Variants in PCDHGB6 observed in about 807,000 individuals in gnomAD.
PCDHGB6 encodes protocadherin gamma-B6.
Under a neutral mutation model 59.1 loss-of-function variants are expected in PCDHGB6, and 51 were observed. The ratio of observed to expected loss-of-function variants is 0.86; its 90% CI spans 0.69 to 1.09. The LOEUF is 1.09. PCDHGB6 is among the 50% of genes least tolerant of loss of function. PCDHGB6 has a pLI of 0.00. For synonymous variants in PCDHGB6, 466 were observed against 495.1 expected (o/e 0.94, Z 0.78); for missense variants, 1,148 against 1,205.1 (o/e 0.95, Z 0.70).
chr5:141,422,800 C>T, intron 1 of PCDHGB6: 1 of 1,614,214 alleles, frequency 6.2e-7, no homozygotes, highest in Non-Finnish European at 8.5e-7. Context: ...CGACTATGAG[C>T]AGTTTCGAGA....
At position 141,446,758 on chromosome 5, in the gene PCDHGB6, C is replaced by T. The variant is rs776925316; in HGVS notation, c.2418+36138C>T. Among the ~76,000 whole-genome samples, 10 of 152,208 alleles carry T rather than the reference C, an allele frequency of 6.6e-5. 1 individual carries two copies. Among genetic ancestry groups the T allele is most frequent in the African/African-American group, 9.7e-5 (4 of 41,448 alleles). On this transcript the variant is annotated intron_variant, in intron 1 of 3. Transcript: ENST00000520790. ...TGGGGATTACAGGCGTGAGCCACCG[C>T]GCCCAGCCGGTTACCATTCTTTTAC...
Position 141,493,775 on chromosome 5 carries a change from G to A in PCDHGB6, c.2419-1032G>A, listed in dbSNP as rs1434978072. ...CCTTGAGTGAGCCACTGGCAGTTCCGGAGCTTCCTTCTCCCTGGAGTAATC... is the reference window on the plus strand; with the variant it reads ...CCTTGAGTGAGCCACTGGCAGTTCCAGAGCTTCCTTCTCCCTGGAGTAATC... On this transcript the variant is annotated intron_variant, in intron 1 of 3. Coordinates refer to ENST00000520790, the MANE Select transcript of PCDHGB6 (RefSeq NM_018926.3). The surrounding 1 kb of genome is among the most constrained non-coding windows in gnomAD (Gnocchi z 4.3). Among the ~76,000 whole-genome samples, 1 of 152,094 alleles carries A rather than the reference G, an allele frequency of 6.6e-6. No individual in the cohort carries two copies. The highest frequency in any genetic ancestry group is 6.5e-5 in the Admixed American group (1 of 15,272).
Position 141,476,263 on chromosome 5 carries a change from C to T in PCDHGB6, c.2419-18544C>T. 1 of 1,613,940 alleles carries T rather than the reference C, an allele frequency of 6.2e-7. No individual in the cohort carries two copies. The highest frequency in any genetic ancestry group is 8.5e-7 in the Non-Finnish European group (1 of 1,180,010). Reference sequence around the variant, plus strand: ...GAGAGAAGGGTTTCGCTGTGGGCAACGTGGTCGCGAACCTTGGTTTGGATC... The same window carrying T: ...GAGAGAAGGGTTTCGCTGTGGGCAATGTGGTCGCGAACCTTGGTTTGGATC... On this transcript the variant is annotated intron_variant, in intron 1 of 3. Transcript: ENST00000520790. The surrounding 1 kb of genome is among the most constrained non-coding windows in gnomAD (Gnocchi z 7.6).
chr5:141,493,962 T>C lies in PCDHGB6; in HGVS notation c.2419-845T>C, dbSNP rs550317675. 6.6e-6 allele frequency among the ~76,000 whole-genome samples: 1 copy of C among 152,320 alleles called. No homozygotes were observed. Among genetic ancestry groups the C allele is most frequent in the African/African-American group, 2.4e-5 (1 of 41,578 alleles). ...AGAAGGGACTCAGGAATGAAGTGGC[T>C]GGCCAGAGCCCCACACCTTCAGCTA... is the stretch of plus-strand genomic sequence containing the variant. On this transcript the variant is annotated intron_variant, in intron 1 of 3. Coordinates refer to ENST00000520790, the MANE Select transcript of PCDHGB6 (RefSeq NM_018926.3). This position sits in a 1 kb window ranked among gnomAD's most constrained non-coding sequence, Gnocchi z 4.3.
rs1177173734 is a variant in PCDHGB6, at chr5:141,491,741, G to A, written c.2419-3066G>A. ...CCGCCCCGGGCGACCCCTGGGGGCG[G>A]CACTGGAGAAGCCGCCCGTCCTCAT... On this transcript the variant is annotated intron_variant, in intron 1 of 3. Coordinates refer to ENST00000520790, the MANE Select transcript of PCDHGB6 (RefSeq NM_018926.3). The surrounding 1 kb of genome is among the most constrained non-coding windows in gnomAD (Gnocchi z 6.9). 1.9e-6 allele frequency: 3 copies of A among 1,595,644 alleles called. No homozygotes were observed. In the South Asian group the frequency reaches 3.4e-5, roughly 18 times the overall value.
chr5:141,428,632 G>A (rs574049916), intron 1 of PCDHGB6: 35 of 182,522 alleles, frequency 1.9e-4, no homozygotes, highest in African/African-American at 7.6e-4. Context: ...CTCTAACTCT[G>A]TTGCTCCTAC....
At chr5:141,498,971 G>GGAAGGAA (rs2099787559) in intron 2 of PCDHGB6, among the ~76,000 whole-genome samples, 2 of 111,052 alleles carry the variant, frequency 1.8e-5, no homozygotes, top group African/African-American at 7.2e-5. Context: ...GAGGGAGGGA[G>GGAAGGAA]GGAAGGAAGG....
At position 141,408,071 on chromosome 5, in the gene PCDHGB6, T is replaced by C; in HGVS notation, c.-132T>C. 2.9e-6 allele frequency: 4 copies of C among 1,384,774 alleles called. No homozygotes were observed. The highest frequency in any genetic ancestry group is 2.9e-6 in the Non-Finnish European group (3 of 1,049,578). The allele number at this position is 1,384,774 out of a possible 1,614,324, so 85.8% of individuals were successfully genotyped here. A position where few individuals can be genotyped will look rare whatever the true frequency, so the allele number is the denominator to read the frequency against. On this transcript the variant is annotated 5_prime_UTR_variant, in exon 1 of 4. Transcript: ENST00000520790. ...CAGAGCCTCCCGGCTGCGCAGACCT[T>C]TCCCAGCACAGCGGATTGCCAGCTC...
rs866649962 is a variant in PCDHGB6 at position 141,482,106 on chromosome 5, T to A, written c.2419-12701T>A. Reference sequence around the variant, plus strand: ...CTCCATCTCAAAAAAAAAAAAAAAATATCTAGAGATGGGAGAATCATATGG... The same window carrying A: ...CTCCATCTCAAAAAAAAAAAAAAAAAATCTAGAGATGGGAGAATCATATGG... On this transcript the variant is annotated intron_variant, in intron 1 of 3. Transcript: ENST00000520790. 2.5e-3 allele frequency among the ~76,000 whole-genome samples: 342 copies of A among 138,882 alleles called. 1 individual carries two copies. Among genetic ancestry groups the A allele is most frequent in the Middle Eastern group, 0.011 (3 of 272 alleles). 91.1% of individuals were successfully genotyped at this position (138,882 alleles called of 152,430 possible). A position where few individuals can be genotyped will look rare whatever the true frequency, so the allele number is the denominator to read the frequency against.
chr5:141,493,204 C>T lies in PCDHGB6; in HGVS notation c.2419-1603C>T, dbSNP rs2099746929. Among the ~76,000 whole-genome samples, 1 of 152,216 alleles carries T rather than the reference C, an allele frequency of 6.6e-6. No individual in the cohort carries two copies. Among genetic ancestry groups the T allele is most frequent in the Non-Finnish European group, 1.5e-5 (1 of 68,042 alleles). Reference sequence around the variant, plus strand: ...TATATAACTCCTTTGAGAACCTCATCTCATTTGCTCTTCCCACCATTGCTG... The same window carrying T: ...TATATAACTCCTTTGAGAACCTCATTTCATTTGCTCTTCCCACCATTGCTG... On this transcript the variant is annotated intron_variant, in intron 1 of 3. Transcript: ENST00000520790. This position sits in a 1 kb window ranked among gnomAD's most constrained non-coding sequence, Gnocchi z 4.3.
intron 1 of PCDHGB6, among the ~76,000 whole-genome samples, chr5:141,492,482 A>G (rs1339196127): frequency 6.6e-6 from 1 of 152,182 alleles, no homozygotes; most frequent in Non-Finnish European, 1.5e-5. Context: ...GCGGCCGCCC[A>G]GGACCAGGCG....
intron 1 of PCDHGB6, among the ~76,000 whole-genome samples, chr5:141,467,332 C>T (rs985838492): frequency 6.6e-6 from 1 of 152,124 alleles, no homozygotes; most frequent in Non-Finnish European, 1.5e-5. Context: ...GGATTAGAGA[C>T]GTAAGCCACT....
chr5:141,431,991 A>T lies in PCDHGB6; in HGVS notation c.2418+21371A>T, dbSNP rs1046547219. On this transcript the variant is annotated intron_variant, in intron 1 of 3. Transcript: ENST00000520790. The surrounding 1 kb of genome is among the most constrained non-coding windows in gnomAD (Gnocchi z 4.8). ...AGTTTAGTCACAGACATAGTCTTGG[A>T]TAGGGAACAGGTTCCTAGCTACAAC... is the stretch of plus-strand genomic sequence containing the variant. 5 of 1,614,100 alleles carry T rather than the reference A, an allele frequency of 3.1e-6. No individual in the cohort carries two copies. Among genetic ancestry groups the T allele is most frequent in the Non-Finnish European group, 3.4e-6 (4 of 1,180,050 alleles).
chr5:141,457,079 C>T (rs114054058), intron 1 of PCDHGB6, among the ~76,000 whole-genome samples: 2,973 of 152,194 alleles, frequency 0.02, 43 homozygotes, highest in African/African-American at 0.029. Flanking sequence ...AACTATTATC[C>T]CTGCTATAAG....
chr5:141,477,229 C>T lies in PCDHGB6; in HGVS notation c.2419-17578C>T. ...AGGATGCCCCTCTGGGGACTGTCAT[C>T]GCTTTGCTCAGTGTGACTGACCTGG... On this transcript the variant is annotated intron_variant, in intron 1 of 3. Transcript: ENST00000520790. The surrounding 1 kb of genome is among the most constrained non-coding windows in gnomAD (Gnocchi z 4.9). 6.2e-7 allele frequency: 1 copy of T among 1,614,222 alleles called. No homozygotes were observed. Among genetic ancestry groups the T allele is most frequent in the Non-Finnish European group, 8.5e-7 (1 of 1,180,052 alleles).
chr5:141,423,210 C>A (rs954945082), intron 1 of PCDHGB6: 2 of 1,613,578 alleles, frequency 1.2e-6, no homozygotes, highest in East Asian at 4.5e-5. Flanking sequence ...CCGTCACGCT[C>A]ACCGTGGCTG....
intron 1 of PCDHGB6, chr5:141,421,280 G>A (rs564480755): frequency 1.2e-6 from 2 of 1,612,948 alleles, no homozygotes; most frequent in South Asian, 2.2e-5. Context: ...CTGCTGCTGT[G>A]CATTTTCCTG....
chr5:141,441,155 T>A (rs2098229690), intron 1 of PCDHGB6: 1 of 152,230 alleles, frequency 6.6e-6, no homozygotes, highest in East Asian at 1.9e-4. Flanking sequence ...GACAATATCC[T>A]AGAGGCGATT....
chr5:141,481,503 G>A (rs1006282101), intron 1 of PCDHGB6, among the ~76,000 whole-genome samples: 3 of 152,236 alleles, frequency 2.0e-5, no homozygotes, highest in African/African-American at 7.2e-5. Context: ...TGCATGGTAT[G>A]TGAATTATGT....
Sources: allele counts gnomAD v4.1 joint callset (sites outside exome capture counted in the v4.1 genomes callset), GRCh38; gene constraint gnomAD v4.1.1; non-coding constraint Gnocchi (gnomAD v3.1); transcripts MANE v1.5; gene names NCBI Gene and HGNC (gene_info 2026-07-23, HGNC 2026-07-21).